The following SATB2 variants were observed in gnomAD, a reference collection of about 807,000 sequenced individuals.
The protein encoded by SATB2 is DNA-binding protein SATB2.
Under a neutral mutation model 73.4 loss-of-function variants are expected in SATB2, and 1 was observed. The ratio of observed to expected loss-of-function variants is 0.01; its 90% CI spans 0.00 to 0.06. The LOEUF (loss-of-function observed/expected upper bound fraction) is 0.06, where lower values mean the gene tolerates loss of function less well. Among genes scored for constraint, SATB2 ranks in the 10% least tolerant of loss-of-function variants. SATB2 has a pLI of 1.00. For missense variants in SATB2, 459 were observed against 945.8 expected, an observed-to-expected ratio of 0.49 and a Z score of 6.75; for synonymous variants, 397 against 367.0, an observed-to-expected ratio of 1.08 and a Z score of -0.93.
chr2:199,386,687 CGTGCGCAA>C (rs1298318428), intron 3 of SATB2, among the ~76,000 whole-genome samples: 10 of 62,192 alleles, frequency 1.6e-4, no homozygotes, highest in South Asian at 7.8e-4. Flanking sequence ...ATTTCATACA[CGTGCGCAA>C]GCGCGCGCGC....
chr2:199,285,574 A>T (rs1166328938), intron 10 of SATB2, among the ~76,000 whole-genome samples: 1 of 152,102 alleles, frequency 6.6e-6, no homozygotes, highest in African/African-American at 2.4e-5. Flanking sequence ...AAACTCAGGA[A>T]ATCTGTTATT....
intron 3 of SATB2, among the ~76,000 whole-genome samples, chr2:199,415,589 C>T (rs1574607326): frequency 6.6e-6 from 1 of 152,190 alleles, no homozygotes; most frequent in Non-Finnish European, 1.5e-5. Flanking sequence ...TAGAATACTG[C>T]AGATGAGCTA....
chr2:199,426,714 A>C (rs1469563618), intron 3 of SATB2, among the ~76,000 whole-genome samples: 4 of 151,396 alleles, frequency 2.6e-5, no homozygotes, highest in Non-Finnish European at 5.9e-5. Context: ...AAAAAAAAGA[A>C]AAGAAAAGAA....
chr2:199,299,195 G>C (rs1017207086), intron 10 of SATB2, among the ~76,000 whole-genome samples: 21 of 152,164 alleles, frequency 1.4e-4, no homozygotes, highest in African/African-American at 5.1e-4. Flanking sequence ...GGAGAAATTA[G>C]GGTTGGAGTG....
chr2:199,409,694 G>T (rs1357785760), intron 3 of SATB2, among the ~76,000 whole-genome samples: 3 of 150,484 alleles, frequency 2.0e-5, no homozygotes, highest in Non-Finnish European at 2.9e-5. Context: ...CTATACCATG[G>T]TGTCATAACA....
intron 9 of SATB2, among the ~76,000 whole-genome samples, chr2:199,317,852 A>T (rs1384749157): frequency 6.6e-6 from 1 of 152,020 alleles, no homozygotes; most frequent in East Asian, 1.9e-4. Context: ...CTATGTTCAC[A>T]CCACTTAGTT....
chr2:199,328,096 T>C (rs1388222163), intron 8 of SATB2, among the ~76,000 whole-genome samples: 1 of 152,120 alleles, frequency 6.6e-6, no homozygotes, highest in African/African-American at 2.4e-5. Flanking sequence ...ATAAACATCC[T>C]AGAGCCCGCC....
intron 3 of SATB2, among the ~76,000 whole-genome samples, chr2:199,426,692 C>CAAA (rs200293007): frequency 7.8e-6 from 1 of 128,268 alleles, no homozygotes; most frequent in African/African-American, 3.3e-5. Flanking sequence ...CATTCTCTCT[C>CAAA]AAAAAAAAAA....
chr2:199,327,323 C>A (rs1294920980), intron 8 of SATB2, among the ~76,000 whole-genome samples: 1 of 152,124 alleles, frequency 6.6e-6, no homozygotes, highest in Admixed American at 6.5e-5. Flanking sequence ...TGCCTGTAAT[C>A]CCAGCTACTC....
chr2:199,445,692 C>T (rs562367917), intron 2 of SATB2, among the ~76,000 whole-genome samples: 106 of 152,120 alleles, frequency 7.0e-4, no homozygotes, highest in Non-Finnish European at 1.4e-3. Flanking sequence ...AGTGACTTTA[C>T]CTGGTTATTA....
intron 3 of SATB2, among the ~76,000 whole-genome samples, chr2:199,421,542 G>C (rs1358837113): frequency 1.3e-5 from 2 of 152,192 alleles, no homozygotes; most frequent in African/African-American, 4.8e-5. Context: ...TGGACAAACT[G>C]TCATCAGTTG....
upstream of SATB2, among the ~76,000 whole-genome samples, chr2:199,459,244 C>G (rs1692402679): frequency 6.6e-6 from 1 of 151,854 alleles, no homozygotes; most frequent in South Asian, 2.1e-4. The surrounding 1 kb of genome is among the most constrained non-coding windows in gnomAD (Gnocchi z 4.2). Context: ...GCCTCCCCGC[C>G]CGGGGGGAGG....
In SATB2 at chr2:199,463,771, C is replaced by A. The variant is rs1037074396; in HGVS notation, c.-141+1065G>T. Among the ~76,000 whole-genome samples the A allele has an allele frequency of 2.6e-5, 4 of 152,224 alleles. No homozygotes were observed. The highest frequency in any genetic ancestry group is 4.4e-5 in the Non-Finnish European group (3 of 68,040). ...TACGAACGCCCACAGTTTGTCCCAA[C>A]CCCTTGAAATGAAAAGTACACCTGG... On this transcript the variant is annotated intron_variant, in intron 1 of 11. Transcript: ENST00000260926. This position sits in a 1 kb window ranked among gnomAD's most constrained non-coding sequence, Gnocchi z 6.4.
chr2:199,398,604 T>C (rs959251311), intron 3 of SATB2, among the ~76,000 whole-genome samples: 1 of 152,182 alleles, frequency 6.6e-6, no homozygotes, highest in Non-Finnish European at 1.5e-5. Context: ...TCGATCTCCT[T>C]ATCTGTAAAC....
At chr2:199,376,636 T>C (rs1689613871) in intron 5 of SATB2, among the ~76,000 whole-genome samples, 1 of 152,162 alleles carries the variant, frequency 6.6e-6, no homozygotes. Flanking sequence ...ATATATATTA[T>C]GCTGAATGCT....
chr2:199,446,607 C>T (rs144031554), intron 2 of SATB2, among the ~76,000 whole-genome samples: 27 of 152,252 alleles, frequency 1.8e-4, no homozygotes, highest in African/African-American at 4.8e-4. Context: ...CCAGAAGAAA[C>T]GGAACCACTA....
At chr2:199,386,136 C>A (rs929879670) in intron 3 of SATB2, among the ~76,000 whole-genome samples, 6 of 152,122 alleles carry the variant, frequency 3.9e-5, no homozygotes, top group African/African-American at 1.4e-4. Context: ...CCTTGGAGAA[C>A]CAGAAGCAAT....
chr2:199,365,787 CT>C (rs201965389), intron 6 of SATB2, among the ~76,000 whole-genome samples: 2 of 151,728 alleles, frequency 1.3e-5, no homozygotes, highest in African/African-American at 4.8e-5. Flanking sequence ...GCAATCTGAT[CT>C]TTTTTTTGTC....
At chr2:199,401,443 C>T (rs955300910) in intron 3 of SATB2, among the ~76,000 whole-genome samples, 7 of 150,998 alleles carry the variant, frequency 4.6e-5, no homozygotes, top group Non-Finnish European at 8.8e-5. Flanking sequence ...CTCCCAGCTA[C>T]TAGGGAGCCT....
Sources: gnomAD v4.1 joint callset for allele counts (sites outside exome capture counted in the v4.1 genomes callset) on GRCh38, gnomAD v4.1.1 for gene constraint, Gnocchi (gnomAD v3.1) non-coding constraint, MANE v1.5 for transcripts, NCBI Gene and HGNC (gene_info 2026-07-23, HGNC 2026-07-21) for gene names.